The following HEATR1 variants were observed in gnomAD, a reference collection of about 807,000 sequenced individuals.
HEATR1 encodes HEAT repeat containing 1, also known as HEAT repeat-containing protein 1.
HEATR1 carries 77 observed loss-of-function variants against 248.2 expected under a neutral mutation model. The observed-to-expected ratio is 0.31, with a 90% confidence interval of 0.26 to 0.37. The LOEUF is 0.37. HEATR1 is among the 10% of genes least tolerant of loss of function. HEATR1 has a pLI of 1.00. For missense variants in HEATR1, 2,420 were observed against 2,504.9 expected (o/e 0.97, Z 0.72); for synonymous variants, 897 against 923.1 (o/e 0.97, Z 0.51).
At chr1:236,586,922 A>G (rs1245874294) in intron 14 of HEATR1, among the ~76,000 whole-genome samples, 1 of 151,964 alleles carries the variant, frequency 6.6e-6, no homozygotes, top group East Asian at 1.9e-4. Flanking sequence ...CGTAAGACAC[A>G]CTCTCATCCT....
chr1:236,554,261 G>A (rs1438451052), intron 42 of HEATR1, among the ~76,000 whole-genome samples: 3 of 151,906 alleles, frequency 2.0e-5, no homozygotes, highest in Non-Finnish European at 2.9e-5. Flanking sequence ...GTGTGGAGGC[G>A]GGCGCCTGTG....
At chr1:236,568,112 C>G (rs1282537299) in intron 29 of HEATR1, among the ~76,000 whole-genome samples, 1 of 152,228 alleles carries the variant, frequency 6.6e-6, no homozygotes, top group Admixed American at 6.5e-5. Context: ...TTTTCTCATA[C>G]TATTGGCTCT....
At chr1:236,582,637 A>C in intron 19 of HEATR1, 99 bp downstream of exon 19, 1 of 1,246,734 alleles carries the variant, frequency 8.0e-7, no homozygotes, top group South Asian at 1.3e-5. Flanking sequence ...TCCTGACCTC[A>C]AGTGATCCGC....
Position 236,584,994 on chromosome 1 carries a change from T to A in HEATR1, c.2241+31A>T, listed in dbSNP as rs188285792. 7.6e-6 allele frequency: 12 copies of A among 1,579,910 alleles called. No homozygotes were observed. The African/African-American group carries it at 1.5e-4, about 20-fold the overall frequency. Reference sequence around the variant, plus strand: ...GGCCAGGCTGTTGTTTTATTCAACATCCCACTTTCTGGAGATTCTGCTTTC... The same window carrying A: ...GGCCAGGCTGTTGTTTTATTCAACAACCCACTTTCTGGAGATTCTGCTTTC... On this transcript the variant is annotated intron_variant, in intron 17 of 44. Transcript: ENST00000366582.
intron 8 of HEATR1, among the ~76,000 whole-genome samples, chr1:236,594,470 C>G (rs1028650504): frequency 2.0e-5 from 3 of 152,198 alleles, no homozygotes; most frequent in Non-Finnish European, 2.9e-5. Context: ...AAACTTTTAT[C>G]TCAGTACCCA....
chr1:236,574,111 G>T, intron 24 of HEATR1, 91 bp downstream of exon 24: 1 of 1,127,584 alleles, frequency 8.9e-7, no homozygotes, highest in Non-Finnish European at 1.2e-6. Context: ...CCTCTTACAA[G>T]CACTATAAAA....
chr1:236,604,186 A>C, intron 1 of HEATR1, 59 bp from the exon 2 acceptor site: 1 of 1,400,244 alleles, frequency 7.1e-7, no homozygotes, highest in Non-Finnish European at 9.5e-7. Context: ...CCTCGTAAAC[A>C]AACAATTCTC....
chr1:236,590,931 A>C lies in HEATR1; in HGVS notation c.1446T>G (p.Ser482=). 4 of 1,494,760 alleles carry C rather than the reference A, an allele frequency of 2.7e-6. No homozygotes were observed. Among genetic ancestry groups the C allele is most frequent in the Non-Finnish European group, 2.7e-6 (3 of 1,111,406 alleles). 92.6% of individuals were successfully genotyped at this position (1,494,760 alleles called of 1,614,324 possible). ...GTGGATGATTCAGGCTGAGCATCAA[A>C]GAAGTATCAGAATCTGCTAAAAACT... ...KYQFLADSDT[S]LMLSLNHPLA... The change falls in exon 12 of 45, where the codon TCT becomes TCG. Residue 482 remains serine (S), a synonymous_variant. Transcript: ENST00000366582.
At chr1:236,572,289 G>A (rs1260688943) in intron 26 of HEATR1, 122 bp downstream of exon 26, 3 of 1,130,890 alleles carry the variant, frequency 2.7e-6, no homozygotes, top group Non-Finnish European at 3.8e-6. Flanking sequence ...TTCACCTATA[G>A]TACTTGCTTT....
intron 28 of HEATR1, among the ~76,000 whole-genome samples, chr1:236,570,115 C>T (rs898958890): frequency 1.1e-4 from 16 of 152,046 alleles, no homozygotes; most frequent in Non-Finnish European, 1.9e-4. Flanking sequence ...GGTGAAACCC[C>T]GTCTCTACTA....
intron 17 of HEATR1, among the ~76,000 whole-genome samples, 164 bp downstream of exon 17, chr1:236,584,861 G>A (rs1212328852): frequency 6.6e-6 from 1 of 152,154 alleles, no homozygotes; most frequent in Non-Finnish European, 1.5e-5. Context: ...GCAAGGGAGT[G>A]CCTAGTTGAC....
chr1:236,572,799 T>C lies in HEATR1; in HGVS notation c.3489A>G (p.Ile1163Met), dbSNP rs1221098148. ...TAGCTTTATCTGGTGGCTCCAGTTCTATTCGGACTTGTTCAGCATTAACGG... is the reference window on the plus strand; with the variant it reads ...TAGCTTTATCTGGTGGCTCCAGTTCCATTCGGACTTGTTCAGCATTAACGG... ...GISVNAEQVR[I>M]ELEPPDKAKP... Residue 1163 changes from isoleucine (I) to methionine (M), a missense_variant, in exon 25 of 45, where the codon ATA (isoleucine) becomes ATG (methionine). Coordinates refer to ENST00000366582, the MANE Select transcript of HEATR1 (RefSeq NM_018072.6). 1 of 1,614,014 alleles carries C rather than the reference T, an allele frequency of 6.2e-7. No homozygotes were observed. Among genetic ancestry groups the C allele is most frequent in the Non-Finnish European group, 8.5e-7 (1 of 1,179,854 alleles).
Position 236,557,226 on chromosome 1 carries a change from A to G in HEATR1, c.5324T>C (p.Ile1775Thr). The G allele has an allele frequency of 6.2e-7, 1 of 1,614,160 alleles. No homozygotes were observed. Among genetic ancestry groups the G allele is most frequent in the Middle Eastern group, 1.7e-4 (1 of 6,060 alleles). ...QKVVETLPHF[I>T]SPYLEGILSQ... ...GAGAATGCCTTCCAGATAGGGGCTG[A>G]TGAAGTGCGGGAGAGTCTCCACAAC... is the stretch of plus-strand genomic sequence containing the variant. Residue 1775 changes from isoleucine (I) to threonine (T), a missense_variant, in exon 37 of 45, where the codon ATC (isoleucine) becomes ACC (threonine). Transcript: ENST00000366582.
intron 43 of HEATR1, 84 bp downstream of exon 43, chr1:236,553,497 G>C: frequency 7.7e-7 from 1 of 1,304,284 alleles, no homozygotes; most frequent in South Asian, 1.5e-5. Flanking sequence ...TTTACTAGGG[G>C]GCCTACATCT....
Position 236,585,940 on chromosome 1 carries a change from A to C in HEATR1, c.1929T>G (p.Ala643=). The C allele has an allele frequency of 6.2e-7, 1 of 1,613,274 alleles. No homozygotes were observed. Among genetic ancestry groups the C allele is most frequent in the Non-Finnish European group, 8.5e-7 (1 of 1,179,558 alleles). The change falls in exon 16 of 45, where the codon GCT becomes GCG. Residue 643 remains alanine (A), a splice_region_variant and synonymous_variant. Transcript: ENST00000366582. The part of the protein sequence containing the change: ...LHPLLRGWEE[A]LENVIKSTKP... ...TTGTGCTTTTAATTACATTTTCAAG[A>C]GCTGTAAAGTAAAATCGAATGCAGA...
chr1:236,563,734 C>T (rs1006683812), intron 32 of HEATR1, among the ~76,000 whole-genome samples: 1 of 152,172 alleles, frequency 6.6e-6, no homozygotes, highest in African/African-American at 2.4e-5. Flanking sequence ...GTATTCCTTT[C>T]TTTCCTTCCT....
chr1:236,595,414 C>G, intron 8 of HEATR1, 126 bp downstream of exon 8: 1 of 734,862 alleles, frequency 1.4e-6, no homozygotes, highest in Non-Finnish European at 2.1e-6. Context: ...AAGAAATAGA[C>G]AAGTTACACA....
intron 34 of HEATR1, 65 bp downstream of exon 34, chr1:236,559,649 A>C: frequency 6.6e-7 from 1 of 1,515,642 alleles, no homozygotes; most frequent in Non-Finnish European, 8.9e-7. Flanking sequence ...AAAACTTTAC[A>C]TAATTTCACA....
chr1:236,584,978 G>C, intron 17 of HEATR1, 47 bp downstream of exon 17: 4 of 1,523,378 alleles, frequency 2.6e-6, no homozygotes, highest in Non-Finnish European at 3.6e-6. Flanking sequence ...AGGCCAGGCT[G>C]TTGTTTTATT....
Sources: gnomAD v4.1 joint callset for allele counts (sites outside exome capture counted in the v4.1 genomes callset) on GRCh38, gnomAD v4.1.1 for gene constraint, MANE v1.5 for transcripts, NCBI Gene and HGNC (gene_info 2026-07-23, HGNC 2026-07-21) for gene names.